ADHFE1: variants seen among roughly 807,000 people sequenced by gnomAD.
ADHFE1 encodes the protein hydroxyacid-oxoacid transhydrogenase, mitochondrial.
ADHFE1 carries 37 observed loss-of-function variants against 54.8 expected under a neutral mutation model. The observed-to-expected ratio is 0.68, with a 90% CI of 0.52 to 0.89. The LOEUF is 0.89. ADHFE1 is among the 40% of genes least tolerant of loss of function. The pLI, the probability that ADHFE1 is intolerant of heterozygous loss-of-function variation, is 0.00. For missense variants in ADHFE1, 601 were observed against 591.2 expected (o/e 1.02, Z -0.17); for synonymous variants, 203 against 229.3 (o/e 0.89, Z 1.04).
At chr8:66,436,939 G>A (rs899056843) in intron 1 of ADHFE1, among the ~76,000 whole-genome samples, 1 of 152,190 alleles carries the variant, frequency 6.6e-6, no homozygotes, top group Non-Finnish European at 1.5e-5. Flanking sequence ...GGAGGATGCC[G>A]CTGACACATC....
intron 8 of ADHFE1, among the ~76,000 whole-genome samples, chr8:66,450,013 C>T (rs1274636856): frequency 6.6e-6 from 1 of 152,178 alleles, no homozygotes. Context: ...CATCCCTGTA[C>T]AGTGACTGTC....
chr8:66,450,879 A>G (rs1806262465), intron 8 of ADHFE1, among the ~76,000 whole-genome samples: 1 of 152,256 alleles, frequency 6.6e-6, no homozygotes, highest in Non-Finnish European at 1.5e-5. Context: ...ACTAATTTCC[A>G]AAACAATTTT....
rs143303514 is a variant in ADHFE1, at chr8:66,452,916, C to T, written c.887+811C>T. Among the ~76,000 whole-genome samples the T allele has an allele frequency of 9.2e-5, 14 of 152,334 alleles. No individual in the cohort carries two copies. The East Asian group carries it at 2.3e-3, about 25-fold the overall frequency. On this transcript the variant is annotated intron_variant, in intron 9 of 13. Transcript: ENST00000396623. The stretch of plus-strand genomic sequence containing the variant: ...TTGTATTTATACATAATGGACAGAA[C>T]GGCCACAGGTAGGCTAGGCCTAGAC...
chr8:66,433,951 AAT>A (rs752745882), intron 1 of ADHFE1, among the ~76,000 whole-genome samples: 2 of 152,216 alleles, frequency 1.3e-5, no homozygotes, highest in African/African-American at 4.8e-5. Flanking sequence ...TCACACACAG[AAT>A]ATGTTTTTGG....
chr8:66,439,174 G>C lies in ADHFE1; in HGVS notation c.60-988G>C. 8.1e-6 allele frequency: 8 copies of C among 984,192 alleles called. No individual in the cohort carries two copies. The highest frequency in any genetic ancestry group is 9.7e-6 in the Non-Finnish European group (8 of 828,856). The allele number at this position is 984,192 out of a possible 1,614,324, so 61.0% of individuals were successfully genotyped here. A position where few individuals can be genotyped will look rare whatever the true frequency, so the allele number is the denominator to read the frequency against. On this transcript the variant is annotated intron_variant, in intron 1 of 13. Transcript: ENST00000396623. This position sits in a 1 kb window ranked among gnomAD's most constrained non-coding sequence, Gnocchi z 4.4. Reference sequence around the variant, plus strand: ...AGTTCGAATTTTTGAGATCTGGACGGCCACTGAGATCAACCCTTTTCCTTC... The same window carrying C: ...AGTTCGAATTTTTGAGATCTGGACGCCCACTGAGATCAACCCTTTTCCTTC...
chr8:66,434,078 T>C (rs1235079934), intron 1 of ADHFE1, among the ~76,000 whole-genome samples: 2 of 152,208 alleles, frequency 1.3e-5, no homozygotes, highest in Non-Finnish European at 2.9e-5. Flanking sequence ...AGCCTGAAGA[T>C]AATGGCTTCA....
At chr8:66,436,391 G>A (rs1414576452) in intron 1 of ADHFE1, among the ~76,000 whole-genome samples, 2 of 150,200 alleles carry the variant, frequency 1.3e-5, no homozygotes, top group Non-Finnish European at 3.0e-5. Context: ...GTGGCCTTCA[G>A]GGAAGGTATG....
chr8:66,439,880 G>A lies in ADHFE1; in HGVS notation c.60-282G>A, dbSNP rs1324573303. On this transcript the variant is annotated intron_variant, in intron 1 of 13. Transcript: ENST00000396623. This position sits in a 1 kb window ranked among gnomAD's most constrained non-coding sequence, Gnocchi z 4.4. ...TCTTAAACTTGCATGTACCCCCAGA[G>A]CGTTTATCTCAGCTGCCCGCAGGCA... is the stretch of plus-strand genomic sequence containing the variant. 1.5e-5 allele frequency: 12 copies of A among 826,312 alleles called. No homozygotes were observed. The Admixed American group carries it at 4.1e-4, about 28-fold the overall frequency. 51.2% of individuals were successfully genotyped at this position (826,312 alleles called of 1,614,324 possible). A position where few individuals can be genotyped will look rare whatever the true frequency, so the allele number is the denominator to read the frequency against.
At chr8:66,432,760 G>A in intron 1 of ADHFE1, 185 bp downstream of exon 1, 2 of 1,230,444 alleles carry the variant, frequency 1.6e-6, no homozygotes, top group East Asian at 3.2e-5. Context: ...GCGCGATGCA[G>A]CCTCTCAGGG....
intron 1 of ADHFE1, among the ~76,000 whole-genome samples, chr8:66,438,228 A>G (rs1030023064): frequency 1.3e-5 from 2 of 152,210 alleles, no homozygotes; most frequent in African/African-American, 4.8e-5. Flanking sequence ...AGTCATACAC[A>G]TGAGAGGTGA....
chr8:66,463,724 G>A (rs1807024507), intron 13 of ADHFE1, among the ~76,000 whole-genome samples: 1 of 152,204 alleles, frequency 6.6e-6, no homozygotes. Context: ...TTAAGGTAGT[G>A]AGAAGAATAT....
chr8:66,445,895 G>A (rs1805999213), intron 6 of ADHFE1, among the ~76,000 whole-genome samples: 1 of 152,218 alleles, frequency 6.6e-6, no homozygotes, highest in South Asian at 2.1e-4. Context: ...ATCATGCTGG[G>A]TGACATCTGC....
intron 10 of ADHFE1, among the ~76,000 whole-genome samples, chr8:66,456,418 G>A (rs934560036): frequency 1.3e-5 from 2 of 152,246 alleles, no homozygotes; most frequent in South Asian, 2.1e-4. Context: ...AAATTCCCCC[G>A]ACATCATCTG....
rs748238044 is a variant in ADHFE1, at chr8:66,447,206, G to T, written c.551-58G>T. 43 of 1,473,400 alleles carry T rather than the reference G, an allele frequency of 2.9e-5. 2 individuals are homozygous for T. In the Admixed American group the frequency reaches 3.5e-4, roughly 12 times the overall value. The allele number at this position is 1,473,400 out of a possible 1,614,324, so 91.3% of individuals were successfully genotyped here. A position where few individuals can be genotyped will look rare whatever the true frequency, so the allele number is the denominator to read the frequency against. On this transcript the variant is annotated intron_variant, in intron 6 of 13. Transcript: ENST00000396623. ...TTCCTCAGTCCTAAGGCTGAATTAGGTATCTCCACTAACCTTTATTTAGAT... is the reference window on the plus strand; with the variant it reads ...TTCCTCAGTCCTAAGGCTGAATTAGTTATCTCCACTAACCTTTATTTAGAT...
At chr8:66,446,046 C>A (rs1257910871) in intron 6 of ADHFE1, among the ~76,000 whole-genome samples, 1 of 152,178 alleles carries the variant, frequency 6.6e-6, no homozygotes, top group Non-Finnish European at 1.5e-5. Context: ...AGTTTTATAG[C>A]TAACATGCAC....
At chr8:66,467,355 T>A (rs969043453) in intron 13 of ADHFE1, among the ~76,000 whole-genome samples, 1 of 151,734 alleles carries the variant, frequency 6.6e-6, no homozygotes, top group Non-Finnish European at 1.5e-5. Context: ...AGAGTCAGAG[T>A]TCTATCTTGT....
intron 2 of ADHFE1, among the ~76,000 whole-genome samples, chr8:66,442,189 A>G (rs1240638655): frequency 6.6e-6 from 1 of 152,234 alleles, no homozygotes; most frequent in African/African-American, 2.4e-5. Flanking sequence ...ACTCTAAACC[A>G]GGGGATTTTT....
At chr8:66,447,569 C>T (rs1563489950) in intron 7 of ADHFE1, among the ~76,000 whole-genome samples, 1 of 152,212 alleles carries the variant, frequency 6.6e-6, no homozygotes, top group Non-Finnish European at 1.5e-5. Flanking sequence ...GGATACCCCA[C>T]AGAGCCTGAC....
chr8:66,462,894 T>C (rs1395778866), intron 13 of ADHFE1, among the ~76,000 whole-genome samples: 1 of 152,188 alleles, frequency 6.6e-6, no homozygotes, highest in East Asian at 1.9e-4. Context: ...CAATCTTGGC[T>C]CACTGCAACC....
Sources: allele counts gnomAD v4.1 joint callset (sites outside exome capture counted in the v4.1 genomes callset), GRCh38; gene constraint gnomAD v4.1.1; non-coding constraint Gnocchi (gnomAD v3.1); transcripts MANE v1.5; gene names NCBI Gene and HGNC (gene_info 2026-07-23, HGNC 2026-07-21).